The following INPP4B variants were observed in gnomAD, a reference collection of about 807,000 sequenced individuals.
INPP4B encodes inositol polyphosphate 4-phosphatase type II.
A neutral mutation model predicts 122.5 loss-of-function variants in INPP4B; 55 were observed. The ratio of observed to expected loss-of-function variants is 0.45; its 90% CI spans 0.36 to 0.56. The LOEUF (loss-of-function observed/expected upper bound fraction) is 0.56. Among genes scored for constraint, INPP4B ranks in the 20% least tolerant of loss-of-function variants. The pLI is 0.00. For synonymous variants in INPP4B, 403 were observed against 388.7 expected, an observed-to-expected ratio of 1.04 and a Z score of -0.43; for missense variants, 1,000 against 1,097.7, an observed-to-expected ratio of 0.91 and a Z score of 1.26.
intron 25 of INPP4B, among the ~76,000 whole-genome samples, chr4:142,059,616 C>T (rs1044127825): frequency 6.6e-6 from 1 of 152,088 alleles, no homozygotes; most frequent in African/African-American, 2.4e-5. Context: ...CCTTATACTC[C>T]TTATGGTATA....
At position 142,370,443 on chromosome 4, in the gene INPP4B, T is replaced by C. The variant is rs77293589; in HGVS notation, c.372+32495A>G. Among the ~76,000 whole-genome samples, 33 of 152,152 alleles carry C rather than the reference T, an allele frequency of 2.2e-4. No individual in the cohort carries two copies. The East Asian group carries it at 5.8e-3, about 27-fold the overall frequency. The stretch of plus-strand genomic sequence containing the variant: ...TGTCTACATAATATAATGCTATGCA[T>C]TGAAGAAATGGAAAGATTAAGAAGA... On this transcript the variant is annotated intron_variant, in intron 7 of 25. Coordinates refer to ENST00000262992, the MANE Select transcript of INPP4B (RefSeq NM_001101669.3).
At chr4:142,080,125 G>A (rs1463438576) in intron 25 of INPP4B, among the ~76,000 whole-genome samples, 1 of 152,030 alleles carries the variant, frequency 6.6e-6, no homozygotes. Context: ...AGGTACAAGA[G>A]GTTGAGTAAC....
chr4:142,395,127 C>T (rs972187710), intron 7 of INPP4B, among the ~76,000 whole-genome samples: 2 of 152,228 alleles, frequency 1.3e-5, no homozygotes, highest in African/African-American at 4.8e-5. Flanking sequence ...TAGAGAACAA[C>T]TACTGTGTGA....
intron 7 of INPP4B, among the ~76,000 whole-genome samples, chr4:142,338,364 T>C (rs1334695909): frequency 3.3e-5 from 5 of 152,062 alleles, no homozygotes; most frequent in Non-Finnish European, 1.5e-5. Flanking sequence ...GCCTCCCGAG[T>C]GGCTGGGACT....
chr4:142,107,376 T>C (rs1787697452), intron 23 of INPP4B, among the ~76,000 whole-genome samples: 1 of 152,216 alleles, frequency 6.6e-6, no homozygotes, highest in African/African-American at 2.4e-5. Flanking sequence ...TTTCCTACTT[T>C]ATTAAAACTT....
At chr4:142,725,529 A>G (rs919178668) in intron 2 of INPP4B, among the ~76,000 whole-genome samples, 1 of 152,082 alleles carries the variant, frequency 6.6e-6, no homozygotes, top group Non-Finnish European at 1.5e-5. Context: ...TGATAAACCA[A>G]TTGGATTTAT....
chr4:142,718,372 C>T (rs899300309), intron 2 of INPP4B, among the ~76,000 whole-genome samples: 1 of 152,184 alleles, frequency 6.6e-6, no homozygotes, highest in African/African-American at 2.4e-5. Flanking sequence ...CAAAATACCT[C>T]ATGAGCAGTT....
chr4:142,670,443 A>G (rs908083847), intron 2 of INPP4B, among the ~76,000 whole-genome samples: 7 of 152,220 alleles, frequency 4.6e-5, no homozygotes, highest in Non-Finnish European at 1.0e-4. Flanking sequence ...GTGGTATTAT[A>G]CACAATGATA....
intron 2 of INPP4B, among the ~76,000 whole-genome samples, chr4:142,624,418 T>C (rs1024092076): frequency 6.6e-6 from 1 of 151,930 alleles, no homozygotes; most frequent in Non-Finnish European, 1.5e-5. Flanking sequence ...TGGGGTTGTT[T>C]GTTTTTTTCT....
At chr4:142,230,996 CTA>C (rs143081000) in intron 12 of INPP4B, among the ~76,000 whole-genome samples, 5,200 of 152,252 alleles carry the variant, frequency 0.034, 283 homozygotes, top group African/African-American at 0.12. Flanking sequence ...TCAAAAACTG[CTA>C]TGTTTCAAAC....
intron 7 of INPP4B, among the ~76,000 whole-genome samples, chr4:142,364,178 G>C (rs1408366172): frequency 6.6e-6 from 1 of 151,998 alleles, no homozygotes; most frequent in African/African-American, 2.4e-5. Context: ...GGTGATTAAT[G>C]TGTAATGCTA....
At chr4:142,112,913 GA>G (rs1441945416) in intron 21 of INPP4B, among the ~76,000 whole-genome samples, 1 of 151,882 alleles carries the variant, frequency 6.6e-6, no homozygotes, top group African/African-American at 2.4e-5. Flanking sequence ...ATTCCTTCAG[GA>G]AAAAAATGTT....
At chr4:142,246,079 AT>A (rs200357436) in intron 11 of INPP4B, among the ~76,000 whole-genome samples, 2,647 of 133,706 alleles carry the variant, frequency 0.02, 151 homozygotes, top group African/African-American at 0.074. Flanking sequence ...GTATACACAC[AT>A]TATATATATG....
intron 2 of INPP4B, among the ~76,000 whole-genome samples, chr4:142,721,093 C>T (rs796260156): frequency 6.6e-6 from 1 of 151,488 alleles, no homozygotes; most frequent in Non-Finnish European, 1.5e-5. Context: ...AATCTTAGTG[C>T]TGCAAAACCA....
intron 2 of INPP4B, among the ~76,000 whole-genome samples, chr4:142,491,554 G>T (rs971269821): frequency 1.3e-5 from 2 of 152,180 alleles, no homozygotes; most frequent in African/African-American, 4.8e-5. Context: ...CTACTTGGGA[G>T]CCTGAGACAG....
chr4:142,282,551 A>C (rs1751677715), intron 9 of INPP4B, among the ~76,000 whole-genome samples: 1 of 152,142 alleles, frequency 6.6e-6, no homozygotes, highest in South Asian at 2.1e-4. Flanking sequence ...TCTTAGAAAA[A>C]TCCACGTTAT....
intron 2 of INPP4B, among the ~76,000 whole-genome samples, chr4:142,597,047 G>A (rs1738861278): frequency 6.6e-6 from 1 of 152,190 alleles, no homozygotes; most frequent in South Asian, 2.1e-4. Context: ...TATTGGACTA[G>A]AGGATTTACA....
intron 25 of INPP4B, among the ~76,000 whole-genome samples, chr4:142,053,654 C>A (rs1347264589): frequency 6.6e-6 from 1 of 152,034 alleles, no homozygotes; most frequent in Admixed American, 6.6e-5. Context: ...CAATATTAAC[C>A]TGAATCTCCC....
chr4:142,334,467 C>T (rs1775846117), intron 7 of INPP4B, among the ~76,000 whole-genome samples: 1 of 152,122 alleles, frequency 6.6e-6, no homozygotes, highest in African/African-American at 2.4e-5. Context: ...TGGATATATA[C>T]CCAGAAGTGG....
Sources: allele counts gnomAD v4.1 joint callset (sites outside exome capture counted in the v4.1 genomes callset), GRCh38; gene constraint gnomAD v4.1.1; transcripts MANE v1.5; gene names NCBI Gene and HGNC (gene_info 2026-07-23, HGNC 2026-07-21).